The following LRIT3 variants were observed in gnomAD, a reference collection of about 807,000 sequenced individuals.
LRIT3 encodes the protein leucine-rich repeat, immunoglobulin-like domain and transmembrane domain-containing protein 3.
LRIT3 carries 14 observed loss-of-function variants against 22.6 expected under a neutral mutation model. The ratio of observed to expected loss-of-function variants is 0.62; its 90% CI spans 0.41 to 0.97. LRIT3 has a LOEUF of 0.97. LRIT3 is among the 50% of genes least tolerant of loss of function. LRIT3 has a pLI of 0.00. For synonymous variants in LRIT3, 306 were observed against 304.5 expected, an observed-to-expected ratio of 1.01 and a Z score of -0.05; for missense variants, 783 against 803.0, an observed-to-expected ratio of 0.98 and a Z score of 0.30.
chr4:109,850,411 CTTCCTTCCTTCCTTTCTTTCTTTCTTTCT>C (rs1560588903), intron 1 of LRIT3, among the ~76,000 whole-genome samples: 54 of 11,522 alleles, frequency 4.7e-3, no homozygotes, highest in African/African-American at 0.015. Flanking sequence ...TCCTTCCTTC[CTTCCTTCCTTCCTTTCTTTCTTTCTTTCT>C]TTCTTTCTTT....
intron 2 of LRIT3, among the ~76,000 whole-genome samples, chr4:109,855,996 C>G (rs1002457059): frequency 2.2e-4 from 33 of 152,042 alleles, no homozygotes; most frequent in Non-Finnish European, 2.8e-4. Context: ...GAACAGGCAC[C>G]CCTCATGCAT....
intron 2 of LRIT3, among the ~76,000 whole-genome samples, chr4:109,857,671 A>G (rs565122001): frequency 4.9e-4 from 74 of 152,312 alleles, no homozygotes; most frequent in African/African-American, 1.6e-3. Flanking sequence ...TTGATAAGTA[A>G]TATCATAGAG....
Position 109,870,808 on chromosome 4 carries a change from C to A in LRIT3, c.*19C>A. ...TTGCTAAGGTTCTGCAGCTCAGGTGCATGTGAGCTACAAAACTAGCATCTA... is the reference window on the plus strand; with the variant it reads ...TTGCTAAGGTTCTGCAGCTCAGGTGAATGTGAGCTACAAAACTAGCATCTA... On this transcript the variant is annotated 3_prime_UTR_variant, in exon 4 of 4. Transcript: ENST00000594814. The A allele has an allele frequency of 6.4e-7, 1 of 1,552,968 alleles. No individual in the cohort carries two copies. The highest frequency in any genetic ancestry group is 8.7e-7 in the Non-Finnish European group (1 of 1,149,414).
chr4:109,866,621 GAAC>G (rs1734686334), intron 2 of LRIT3, among the ~76,000 whole-genome samples: 1 of 152,008 alleles, frequency 6.6e-6, no homozygotes, highest in Non-Finnish European at 1.5e-5. Flanking sequence ...ACTCTTTGTG[GAAC>G]TATCCTTAGG....
At position 109,872,047 on chromosome 4, in the gene LRIT3, G is replaced by A. The variant is rs563968164; in HGVS notation, c.*1258G>A. ...ATTTCCAGAAGACAAGGCCACCTCA[G>A]CACAGATGCAACTTTCATAAATTTT... On this transcript the variant is annotated 3_prime_UTR_variant, in exon 4 of 4. Coordinates refer to ENST00000594814, the MANE Select transcript of LRIT3 (RefSeq NM_198506.5). The A allele has an allele frequency of 6.6e-6, 1 of 152,262 alleles. No individual in the cohort carries two copies. The highest frequency in any genetic ancestry group is 1.9e-4 in the East Asian group (1 of 5,190). The allele number at this position is 152,262 out of a possible 1,614,324, so 9.4% of individuals were successfully genotyped here.
intron 2 of LRIT3, among the ~76,000 whole-genome samples, chr4:109,863,268 T>A (rs1053559463): frequency 6.6e-6 from 1 of 152,186 alleles, no homozygotes; most frequent in African/African-American, 2.4e-5. Context: ...GGTGGGTGGT[T>A]AAAACCTTTA....
chr4:109,853,997 T>A (rs1734341484), intron 2 of LRIT3, among the ~76,000 whole-genome samples: 1 of 151,624 alleles, frequency 6.6e-6, no homozygotes, highest in Non-Finnish European at 1.5e-5. Flanking sequence ...AGCCTTGTAG[T>A]ATATTTTGAA....
rs2125901746 is a variant in LRIT3, at chr4:109,870,434, A to G, written c.1685A>G (p.Gln562Arg). 1 of 1,614,214 alleles carries G rather than the reference A, an allele frequency of 6.2e-7. No individual in the cohort carries two copies. The highest frequency in any genetic ancestry group is 1.1e-5 in the South Asian group (1 of 91,080). The change falls in exon 4 of 4, where the codon CAG becomes CGG. Residue 562 changes from glutamine (Q) to arginine (R), a missense_variant. Coordinates refer to ENST00000594814, the MANE Select transcript of LRIT3 (RefSeq NM_198506.5). The stretch of plus-strand genomic sequence containing the variant: ...GTCTGTCCAAAAGGAGTGCCTCCCC[A>G]GAAAGACCAATGCATCACCTTTTCT... ...ACVCPKGVPPQKDQCITFSTE... is the reference protein window; with the variant it reads ...ACVCPKGVPPRKDQCITFSTE...
chr4:109,861,338 GAA>G (rs34877226), intron 2 of LRIT3, among the ~76,000 whole-genome samples: 49 of 143,056 alleles, frequency 3.4e-4, no homozygotes, highest in African/African-American at 7.1e-4. Context: ...ATCCTGGGTG[GAA>G]AAAAAAAAAA....
In LRIT3 at chr4:109,867,776, T is replaced by C. The variant is rs749730956; in HGVS notation, c.725T>C (p.Leu242Ser). The part of the protein sequence containing the change: ...CSEPERLTGI[L>S]FQRAELEHCL... ...GAACCTGAGCGCCTCACAGGAATTT[T>C]GTTTCAGCGGGCTGAATTGGAGCAT... The change falls in exon 3 of 4, where the codon TTG becomes TCG. Residue 242 changes from leucine to serine, a missense_variant. Around this residue, in one of 2 missense-constraint regions of LRIT3, gnomAD observed 756 missense variants for 753.8 expected, o/e 1.00. Coordinates refer to ENST00000594814, the MANE Select transcript of LRIT3 (RefSeq NM_198506.5). 1.4e-5 allele frequency: 23 copies of C among 1,614,188 alleles called. No homozygotes were observed. In the Middle Eastern group the frequency reaches 8.2e-4, roughly 58 times the overall value.
intron 2 of LRIT3, among the ~76,000 whole-genome samples, chr4:109,857,057 C>T (rs191266687): frequency 6.9e-4 from 105 of 152,130 alleles, no homozygotes; most frequent in African/African-American, 2.5e-3. Context: ...CTGGCTCTGA[C>T]TATTAAAATA....
intron 1 of LRIT3, among the ~76,000 whole-genome samples, chr4:109,850,938 T>C (rs530574112): frequency 6.7e-6 from 1 of 149,188 alleles, no homozygotes; most frequent in Non-Finnish European, 1.5e-5. Flanking sequence ...ACTTTAAACA[T>C]GTACTGTGAA....
In LRIT3 at chr4:109,870,035, G is replaced by A. The variant is rs201714421; in HGVS notation, c.1286G>A (p.Ser429Asn). The A allele has an allele frequency of 6.9e-5, 111 of 1,613,920 alleles. No homozygotes were observed. The highest frequency in any genetic ancestry group is 1.6e-4 in the Middle Eastern group (1 of 6,084). ...TVSSTTTLST[S>N]ISASTTMANK... ...TCTTCAACCACAACTCTGAGCACAA[G>A]CATCTCAGCAAGTACCACCATGGCC... The change falls in exon 4 of 4, where the codon AGC becomes AAC. Residue 429 changes from serine (S) to asparagine (N), a missense_variant. Physicochemically the swap from Ser to Asn is conservative, Grantham distance 46. This residue lies in a region of LRIT3 where 756 missense variants were observed against 753.8 expected (regional missense o/e 1.00). Coordinates refer to ENST00000594814, the MANE Select transcript of LRIT3 (RefSeq NM_198506.5).
chr4:109,850,414 C>CTTTCTTTCTTTCTTTCTTTCTTT (rs1560588921), intron 1 of LRIT3, among the ~76,000 whole-genome samples: 149 of 11,754 alleles, frequency 0.013, 12 homozygotes, highest in Middle Eastern at 0.11. Flanking sequence ...TTCCTTCCTT[C>CTTTCTTTCTTTCTTTCTTTCTTT]CTTCCTTCCT....
Position 109,870,883 on chromosome 4 carries a change from T to C in LRIT3, c.*94T>C. ...GATGACTTTTGGACAGACTTTCACA[T>C]TGTACATGAAAATCACAAATGGAAT... On this transcript the variant is annotated 3_prime_UTR_variant, in exon 4 of 4. Transcript: ENST00000594814. The C allele has an allele frequency of 7.7e-7, 1 of 1,298,660 alleles. No individual in the cohort carries two copies. Among genetic ancestry groups the C allele is most frequent in the Non-Finnish European group, 1.0e-6 (1 of 957,866 alleles). 80.4% of individuals were successfully genotyped at this position (1,298,660 alleles called of 1,614,324 possible).
At chr4:109,863,163 G>A (rs1399793876) in intron 2 of LRIT3, among the ~76,000 whole-genome samples, 1 of 152,174 alleles carries the variant, frequency 6.6e-6, no homozygotes, top group Non-Finnish European at 1.5e-5. Flanking sequence ...ATATCTTTGT[G>A]CTTTGGCTTC....
rs751991187 is a variant in LRIT3, at chr4:109,869,806, A to G, written c.1057A>G (p.Ile353Val). 20 of 1,613,966 alleles carry G rather than the reference A, an allele frequency of 1.2e-5. No homozygotes were observed. The Middle Eastern group carries it at 4.9e-4, about 40-fold the overall frequency. Reference sequence around the variant, plus strand: ...AGTGCTTGGCATTACCACAACTCCAATACCACCAGACACTTCTGAAAGAAC... The same window carrying G: ...AGTGCTTGGCATTACCACAACTCCAGTACCACCAGACACTTCTGAAAGAAC... ...VTVLGITTTP[I>V]PPDTSERTGD... Residue 353 changes from isoleucine to valine, a missense_variant, in exon 4 of 4, where the codon ATA becomes GTA. This residue lies in a region of LRIT3 where 756 missense variants were observed against 753.8 expected (regional missense o/e 1.00). Coordinates refer to ENST00000594814, the MANE Select transcript of LRIT3 (RefSeq NM_198506.5).
intron 2 of LRIT3, among the ~76,000 whole-genome samples, chr4:109,860,642 A>T (rs1390685182): frequency 6.6e-6 from 1 of 152,248 alleles, no homozygotes; most frequent in Admixed American, 6.5e-5. Flanking sequence ...ATACCCTTAC[A>T]TAACTTACAC....
chr4:109,851,308 G>T, intron 1 of LRIT3, 196 bp from the exon 2 acceptor site: 1 of 625,556 alleles, frequency 1.6e-6, no homozygotes, highest in Non-Finnish European at 2.7e-6. Flanking sequence ...GGTTTTCCAT[G>T]GCCACAGAGG....
Sources: gnomAD v4.1 joint callset for allele counts (sites outside exome capture counted in the v4.1 genomes callset) on GRCh38, gnomAD v4.1.1 for gene constraint, gnomAD v4.1.1 regional missense constraint, MANE v1.5 for transcripts, NCBI Gene and HGNC (gene_info 2026-07-23, HGNC 2026-07-21) for gene names.